The following SLC16A7 variants were observed in gnomAD, a reference collection of about 807,000 sequenced individuals.
The protein encoded by SLC16A7 is monocarboxylate transporter 2.
SLC16A7 carries 33 observed loss-of-function variants against 34.9 expected under a neutral mutation model. The observed-to-expected ratio is 0.94, with a 90% CI of 0.72 to 1.26. The LOEUF is 1.26. SLC16A7 is among the 50% of genes most tolerant of loss of function. The pLI, the probability that SLC16A7 is intolerant of heterozygous loss-of-function variation, is 0.00. For synonymous variants in SLC16A7, 201 were observed against 206.6 expected (o/e 0.97, Z 0.23); for missense variants, 573 against 578.1 (o/e 0.99, Z 0.09).
chr12:59,614,467 A>G (rs1383803706), intron 1 of SLC16A7, among the ~76,000 whole-genome samples: 1 of 152,184 alleles, frequency 6.6e-6, no homozygotes, highest in African/African-American at 2.4e-5. Flanking sequence ...ATAATATAAT[A>G]TGGTTGAAGT....
chr12:59,735,464 C>G (rs895384533), intron 3 of SLC16A7, among the ~76,000 whole-genome samples: 1 of 152,132 alleles, frequency 6.6e-6, no homozygotes, highest in African/African-American at 2.4e-5. Context: ...TGATGCATTG[C>G]AGCCATTAGT....
In SLC16A7 at chr12:59,784,035, A is replaced by T. The variant is rs551132281; in HGVS notation, c.*4356A>T. The T allele has an allele frequency of 2.6e-5, 4 of 152,284 alleles. No individual in the cohort carries two copies. Among genetic ancestry groups the T allele is most frequent in the Admixed American group, 2.0e-4 (3 of 15,284 alleles). The allele number at this position is 152,284 out of a possible 1,614,324, so 9.4% of individuals were successfully genotyped here. ...CTCCCCAATGCAAATTATCTCAAATAATGATAATTATTACATATAGACATA... is the reference window on the plus strand; with the variant it reads ...CTCCCCAATGCAAATTATCTCAAATTATGATAATTATTACATATAGACATA... On this transcript the variant is annotated 3_prime_UTR_variant, in exon 6 of 6. Transcript: ENST00000547379.
At position 59,779,635 on chromosome 12, in the gene SLC16A7, T is replaced by G. The variant is rs1357935393; in HGVS notation, c.1393T>G (p.Ser465Ala). The change falls in exon 6 of 6, where the codon TCA (serine) becomes GCA (alanine). Residue 465 changes from serine (S) to alanine (A), a missense_variant. Coordinates refer to ENST00000547379, the MANE Select transcript of SLC16A7 (RefSeq NM_001270623.2). ...KHSEDVNVKV[S>A]NAQSVTSERE... ...TTCGGAAGATGTTAACGTCAAAGTT[T>G]CAAATGCACAGAGTGTAACCTCAGA... 2 of 1,611,918 alleles carry G rather than the reference T, an allele frequency of 1.2e-6. No individual in the cohort carries two copies. Among genetic ancestry groups the G allele is most frequent in the South Asian group, 2.2e-5 (2 of 91,016 alleles).
At chr12:59,708,966 G>A (rs758506980) in intron 3 of SLC16A7, among the ~76,000 whole-genome samples, 2 of 151,552 alleles carry the variant, frequency 1.3e-5, no homozygotes, top group Non-Finnish European at 2.9e-5. Context: ...TTAGCAAATA[G>A]GTCAAACAGT....
At chr12:59,681,118 T>C (rs190418556) in intron 2 of SLC16A7, among the ~76,000 whole-genome samples, 3 of 152,342 alleles carry the variant, frequency 2.0e-5, no homozygotes, top group Non-Finnish European at 4.4e-5. Context: ...TTCAAATCCA[T>C]GCCACACCTG....
At chr12:59,756,344 C>T (rs1426212896) in intron 3 of SLC16A7, among the ~76,000 whole-genome samples, 1 of 151,962 alleles carries the variant, frequency 6.6e-6, no homozygotes, top group Non-Finnish European at 1.5e-5. Flanking sequence ...AGAAAATTTT[C>T]CCAACCTACT....
chr12:59,670,103 T>C (rs1211246232), intron 2 of SLC16A7, among the ~76,000 whole-genome samples: 1 of 152,214 alleles, frequency 6.6e-6, no homozygotes, highest in Non-Finnish European at 1.5e-5. Context: ...GGGAATATCC[T>C]CCCTTGCCTC....
rs147545264 is a variant in SLC16A7, at chr12:59,746,562, G to C, written c.218-24657G>C. On this transcript the variant is annotated intron_variant, in intron 3 of 5. Coordinates refer to ENST00000547379, the MANE Select transcript of SLC16A7 (RefSeq NM_001270623.2). ...ATGGCTTCACATTTAACGTTGAGCT[G>C]AGCAAAAGTAGACTCTGAGTTAATG... is the stretch of plus-strand genomic sequence containing the variant. 7.0e-4 allele frequency among the ~76,000 whole-genome samples: 106 copies of C among 152,284 alleles called. 3 individuals carry two copies. In the East Asian group the frequency reaches 0.015, roughly 21 times the overall value.
At chr12:59,661,408 C>A (rs1462922308) in intron 2 of SLC16A7, among the ~76,000 whole-genome samples, 1 of 152,060 alleles carries the variant, frequency 6.6e-6, no homozygotes, top group Non-Finnish European at 1.5e-5. Context: ...AGACTTTGAG[C>A]TGACTGGCAG....
chr12:59,734,997 A>G (rs910348418), intron 3 of SLC16A7, among the ~76,000 whole-genome samples: 2 of 152,222 alleles, frequency 1.3e-5, no homozygotes, highest in African/African-American at 4.8e-5. Context: ...CTGTATAACT[A>G]AATCATCTTG....
chr12:59,605,716 A>AT (rs1226163936), intron 1 of SLC16A7, among the ~76,000 whole-genome samples: 2 of 152,100 alleles, frequency 1.3e-5, no homozygotes, highest in East Asian at 3.9e-4. Flanking sequence ...CCTTGAGCCA[A>AT]TTTTTTTTGT....
intron 3 of SLC16A7, among the ~76,000 whole-genome samples, chr12:59,752,292 C>T (rs61933800): frequency 0.11 from 16,399 of 152,076 alleles, 931 homozygotes; most frequent in Admixed American, 0.16. Flanking sequence ...AGGATTCAGA[C>T]GATCAAACCA....
intron 3 of SLC16A7, among the ~76,000 whole-genome samples, chr12:59,754,672 A>G (rs1424486965): frequency 6.6e-6 from 1 of 152,230 alleles, no homozygotes; most frequent in Admixed American, 6.5e-5. Context: ...GAATTCTACC[A>G]GAGGTACAAG....
At chr12:59,709,326 T>G (rs1565664015) in intron 3 of SLC16A7, among the ~76,000 whole-genome samples, 1 of 151,598 alleles carries the variant, frequency 6.6e-6, no homozygotes, top group Non-Finnish European at 1.5e-5. Context: ...CCAATTGTGC[T>G]AAAGTAAGGG....
rs1478969755 is a variant in SLC16A7 at position 59,738,027 on chromosome 12, T to G, written c.217+33009T>G. 2.6e-5 allele frequency among the ~76,000 whole-genome samples: 4 copies of G among 152,206 alleles called. No individual in the cohort carries two copies. In the East Asian group the frequency reaches 7.7e-4, roughly 29 times the overall value. ...TCATTATTTGGTTGTTTATAAGATT[T>G]ATATTAAATTATATCCTTAAAGATC... On this transcript the variant is annotated intron_variant, in intron 3 of 5. Coordinates refer to ENST00000547379, the MANE Select transcript of SLC16A7 (RefSeq NM_001270623.2).
At chr12:59,708,772 T>C (rs1318824977) in intron 3 of SLC16A7, among the ~76,000 whole-genome samples, 1 of 151,636 alleles carries the variant, frequency 6.6e-6, no homozygotes, top group Non-Finnish European at 1.5e-5. Context: ...ATCTGGGCTT[T>C]GGTAGCAAGG....
At chr12:59,770,008 T>A (rs1420495027) in intron 3 of SLC16A7, among the ~76,000 whole-genome samples, 1 of 152,126 alleles carries the variant, frequency 6.6e-6, no homozygotes, top group Admixed American at 6.6e-5. Context: ...TAAGATAGTC[T>A]CAATTGTTAA....
At chr12:59,601,887 C>G (rs1016294260) in intron 1 of SLC16A7, among the ~76,000 whole-genome samples, 1 of 152,174 alleles carries the variant, frequency 6.6e-6, no homozygotes, top group Non-Finnish European at 1.5e-5. Flanking sequence ...GTCCCCATGT[C>G]TTAATACCAC....
chr12:59,711,613 G>A (rs1413828654), intron 3 of SLC16A7, among the ~76,000 whole-genome samples: 1 of 152,090 alleles, frequency 6.6e-6, no homozygotes, highest in Admixed American at 6.5e-5. Context: ...GACTTCCTGG[G>A]CTCAAGCAAT....
Sources: gnomAD v4.1 joint callset for allele counts (sites outside exome capture counted in the v4.1 genomes callset) on GRCh38, gnomAD v4.1.1 for gene constraint, MANE v1.5 for transcripts, NCBI Gene and HGNC (gene_info 2026-07-23, HGNC 2026-07-21) for gene names.